AK5: variants seen among roughly 807,000 people sequenced by gnomAD.
AK5 encodes the protein adenylate kinase 5.
Under a neutral mutation model 69.5 loss-of-function variants are expected in AK5, and 27 were observed. The observed-to-expected ratio is 0.39, with a 90% CI of 0.29 to 0.54. The LOEUF (loss-of-function observed/expected upper bound fraction) is 0.54. Among genes scored for constraint, AK5 ranks in the 20% least tolerant of loss-of-function variants. The pLI is 0.71. For missense variants in AK5, 531 were observed against 700.4 expected (o/e 0.76, Z 2.73); for synonymous variants, 260 against 244.4 (o/e 1.06, Z -0.60).
chr1:77,377,694 A>T (rs886090684), intron 6 of AK5, among the ~76,000 whole-genome samples: 4 of 152,058 alleles, frequency 2.6e-5, no homozygotes, highest in Non-Finnish European at 5.9e-5. Flanking sequence ...ACTTAGGGCT[A>T]CTCTATCATG....
At chr1:77,319,263 A>C (rs1044217382) in intron 5 of AK5, among the ~76,000 whole-genome samples, 1 of 152,168 alleles carries the variant, frequency 6.6e-6, no homozygotes, top group African/African-American at 2.4e-5. Flanking sequence ...TCTCCTACTG[A>C]TGCTTACCGT....
At chr1:77,473,780 A>C (rs1356421452) in intron 8 of AK5, among the ~76,000 whole-genome samples, 1 of 152,220 alleles carries the variant, frequency 6.6e-6, no homozygotes, top group African/African-American at 2.4e-5. Context: ...TTCTGCACAT[A>C]TGTAGTTAAG....
intron 8 of AK5, among the ~76,000 whole-genome samples, chr1:77,474,054 T>A (rs61080952): frequency 0.05 from 7,669 of 152,140 alleles, 393 homozygotes; most frequent in East Asian, 0.19. Flanking sequence ...TAAGCAGGGG[T>A]CCAGAAGGCA....
intron 8 of AK5, among the ~76,000 whole-genome samples, chr1:77,470,804 C>T (rs1570198315): frequency 8.0e-6 from 1 of 124,296 alleles, no homozygotes; most frequent in Non-Finnish European, 1.6e-5. Flanking sequence ...TTTGAATTTT[C>T]TCATTTTAAT....
At chr1:77,295,817 A>G (rs1317859685) in intron 3 of AK5, among the ~76,000 whole-genome samples, 1 of 152,202 alleles carries the variant, frequency 6.6e-6, no homozygotes, top group Non-Finnish European at 1.5e-5. Flanking sequence ...TGTGTGTACT[A>G]TGAATTTTAT....
chr1:77,458,054 A>G (rs1653603864), intron 8 of AK5, among the ~76,000 whole-genome samples: 1 of 148,200 alleles, frequency 6.7e-6, no homozygotes, highest in Non-Finnish European at 1.5e-5. Flanking sequence ...GTGAGATATG[A>G]TTGTGCCACT....
At chr1:77,476,255 T>G (rs1161563387) in intron 8 of AK5, among the ~76,000 whole-genome samples, 2 of 149,878 alleles carry the variant, frequency 1.3e-5, no homozygotes, top group Non-Finnish European at 3.0e-5. Flanking sequence ...GTAACTAAAT[T>G]ACACACCATT....
chr1:77,542,470 G>C (rs1659329894), intron 13 of AK5, among the ~76,000 whole-genome samples: 1 of 152,184 alleles, frequency 6.6e-6, no homozygotes, highest in Admixed American at 6.5e-5. Flanking sequence ...ATTAGGACCT[G>C]ACTGATATAA....
chr1:77,313,664 C>T, intron 5 of AK5: 1 of 412,634 alleles, frequency 2.4e-6, no homozygotes, highest in Non-Finnish European at 4.8e-6. Flanking sequence ...ACACCCTGTC[C>T]TCCCCTGTCT....
rs1230738530 is a variant in AK5, at chr1:77,554,771, A to ATTT, written c.1621-3815_1621-3813dup. Among the ~76,000 whole-genome samples the ATTT allele has an allele frequency of 2.8e-3, 337 of 119,656 alleles. 5 individuals carry two copies. The highest frequency in any genetic ancestry group is 0.015 in the East Asian group (60 of 4,044). The allele number at this position is 119,656 out of a possible 152,430, so 78.5% of individuals were successfully genotyped here. ...CAGGCGCCCGCCACCATGCCCGGCT[A>ATTT]TTTTTTTTTTTTTTTTTTGTATTTT... On this transcript the variant is annotated intron_variant, in intron 13 of 13. Transcript: ENST00000354567.
chr1:77,366,570 T>C (rs1646953581), intron 6 of AK5, among the ~76,000 whole-genome samples: 1 of 152,172 alleles, frequency 6.6e-6, no homozygotes, highest in Admixed American at 6.5e-5. Context: ...ATTCTACCTC[T>C]ACCCCAGGAA....
intron 6 of AK5, among the ~76,000 whole-genome samples, chr1:77,406,775 C>T (rs1649687149): frequency 6.7e-6 from 1 of 150,346 alleles, no homozygotes; most frequent in Admixed American, 6.7e-5. Flanking sequence ...TGGAATAGTG[C>T]CAGTGTCCTT....
At chr1:77,538,351 C>A (rs1165125852) in intron 13 of AK5, among the ~76,000 whole-genome samples, 4 of 136,408 alleles carry the variant, frequency 2.9e-5, no homozygotes, top group Admixed American at 7.2e-5. Flanking sequence ...AAAAAAACAA[C>A]AACAACAACA....
At chr1:77,358,018 T>TGTGTGTGTGAGAGAGAGAGAGA (rs762714026) in intron 6 of AK5, among the ~76,000 whole-genome samples, 7 of 128,178 alleles carry the variant, frequency 5.5e-5, no homozygotes, top group African/African-American at 1.7e-4. Context: ...TGTGTGTGTG[T>TGTGTGTGTGAGAGAGAGAGAGA]GAGAGAGAGA....
intron 8 of AK5, among the ~76,000 whole-genome samples, chr1:77,430,320 G>C (rs1314831381): frequency 1.3e-5 from 2 of 152,180 alleles, no homozygotes; most frequent in African/African-American, 4.8e-5. Flanking sequence ...AACAGGGGGT[G>C]AGCTGTTGAA....
chr1:77,359,037 C>T (rs1211760976), intron 6 of AK5, among the ~76,000 whole-genome samples: 5 of 151,778 alleles, frequency 3.3e-5, no homozygotes, highest in East Asian at 1.9e-4. Flanking sequence ...GGGCGGATCA[C>T]GAGGTCAGGA....
intron 5 of AK5, among the ~76,000 whole-genome samples, chr1:77,306,094 C>G (rs1049424466): frequency 6.6e-6 from 1 of 151,954 alleles, no homozygotes; most frequent in Admixed American, 6.6e-5. Flanking sequence ...AGCTATTGCT[C>G]TAGCTAGGAC....
At chr1:77,528,039 A>G (rs1407296903) in intron 12 of AK5, among the ~76,000 whole-genome samples, 1 of 152,216 alleles carries the variant, frequency 6.6e-6, no homozygotes, top group Non-Finnish European at 1.5e-5. Flanking sequence ...AGCCTGGGCA[A>G]CAGAGTGAAA....
intron 5 of AK5, among the ~76,000 whole-genome samples, chr1:77,333,952 T>C (rs187279847): frequency 6.6e-6 from 1 of 152,228 alleles, no homozygotes; most frequent in African/African-American, 2.4e-5. Context: ...TTATGTACTG[T>C]CTTTATTTGT....
Sources: allele counts gnomAD v4.1 joint callset (sites outside exome capture counted in the v4.1 genomes callset), GRCh38; gene constraint gnomAD v4.1.1; transcripts MANE v1.5; gene names NCBI Gene and HGNC (gene_info 2026-07-23, HGNC 2026-07-21).